The following IQGAP2 variants were observed in gnomAD, a reference collection of about 807,000 sequenced individuals.
The protein encoded by IQGAP2 is IQ motif containing GTPase activating protein 2.
IQGAP2 carries 173 observed loss-of-function variants against 201.3 expected under a neutral mutation model. The observed-to-expected ratio is 0.86, with a 90% CI of 0.76 to 0.98. IQGAP2 has a LOEUF of 0.98. Among genes scored for constraint, IQGAP2 ranks in the 50% least tolerant of loss-of-function variants. The pLI, the probability that IQGAP2 is intolerant of heterozygous loss-of-function variation, is 0.00. For synonymous variants in IQGAP2, 675 were observed against 673.9 expected, an observed-to-expected ratio of 1.00 and a Z score of -0.03; for missense variants, 1,687 against 1,864.8, an observed-to-expected ratio of 0.90 and a Z score of 1.76.
At chr5:76,667,420 CTCT>C (rs1428355788) in intron 22 of IQGAP2, among the ~76,000 whole-genome samples, 1 of 152,186 alleles carries the variant, frequency 6.6e-6, no homozygotes, top group Non-Finnish European at 1.5e-5. Context: ...AAATTTTCTT[CTCT>C]TGTCAGAAAG....
chr5:76,443,463 C>G (rs1409102029), intron 1 of IQGAP2, among the ~76,000 whole-genome samples: 3 of 150,946 alleles, frequency 2.0e-5, no homozygotes, highest in African/African-American at 7.3e-5. Context: ...TCTGAAAACA[C>G]CAAAAGTTTT....
At chr5:76,595,197 T>A (rs550653054) in intron 9 of IQGAP2, among the ~76,000 whole-genome samples, 1 of 151,350 alleles carries the variant, frequency 6.6e-6, no homozygotes, top group African/African-American at 2.4e-5. Flanking sequence ...ATTCATTGCA[T>A]GATATTTTCT....
At chr5:76,534,395 T>C (rs1326993966) in intron 2 of IQGAP2, among the ~76,000 whole-genome samples, 2 of 152,234 alleles carry the variant, frequency 1.3e-5, no homozygotes, top group Non-Finnish European at 2.9e-5. Context: ...CCGGTTTTAC[T>C]ATCAGAACAT....
At chr5:76,480,260 C>CTCTGT (rs1755692761) in intron 2 of IQGAP2, among the ~76,000 whole-genome samples, 1 of 152,114 alleles carries the variant, frequency 6.6e-6, no homozygotes, top group Admixed American at 6.5e-5. Context: ...TTCACATACC[C>CTCTGT]TCTGTTCTGG....
At chr5:76,572,036 C>G (rs1254161389) in intron 4 of IQGAP2, among the ~76,000 whole-genome samples, 1 of 152,134 alleles carries the variant, frequency 6.6e-6, no homozygotes, top group Non-Finnish European at 1.5e-5. Context: ...CAGCCCTGTT[C>G]CCTGGCAACC....
At chr5:76,609,936 T>C (rs1456041401) in intron 12 of IQGAP2, among the ~76,000 whole-genome samples, 1 of 149,702 alleles carries the variant, frequency 6.7e-6, no homozygotes, top group Non-Finnish European at 1.5e-5. Context: ...AATAATAAGG[T>C]ATTGAGAAGT....
intron 1 of IQGAP2, among the ~76,000 whole-genome samples, chr5:76,461,334 C>T (rs1386662606): frequency 6.7e-6 from 1 of 149,960 alleles, no homozygotes; most frequent in Non-Finnish European, 1.5e-5. Context: ...CACCACTGCA[C>T]TCCAGCCTGG....
intron 1 of IQGAP2, among the ~76,000 whole-genome samples, chr5:76,436,843 T>A (rs975619863): frequency 6.6e-6 from 1 of 151,798 alleles, no homozygotes. Context: ...TATGGTTTTG[T>A]ATTTAATTCT....
chr5:76,560,064 C>T (rs888745284), intron 2 of IQGAP2, among the ~76,000 whole-genome samples: 12 of 152,274 alleles, frequency 7.9e-5, no homozygotes, highest in Non-Finnish European at 1.6e-4. Flanking sequence ...GTATGTATAG[C>T]TCACATTTAT....
chr5:76,521,950 TAA>T (rs146699677), intron 2 of IQGAP2, among the ~76,000 whole-genome samples: 12 of 148,778 alleles, frequency 8.1e-5, no homozygotes, highest in South Asian at 2.1e-4. Context: ...AATTGATAAT[TAA>T]AAAAAAAAAT....
At chr5:76,551,582 C>G (rs1347520716) in intron 2 of IQGAP2, among the ~76,000 whole-genome samples, 1 of 152,234 alleles carries the variant, frequency 6.6e-6, no homozygotes, top group African/African-American at 2.4e-5. Context: ...ACTGAGTGAG[C>G]GAGACTCCGT....
intron 30 of IQGAP2, among the ~76,000 whole-genome samples, chr5:76,692,536 T>G (rs568236188): frequency 6.6e-6 from 1 of 152,340 alleles, no homozygotes; most frequent in South Asian, 2.1e-4. Flanking sequence ...ACCCTTTAGC[T>G]TTTATGTTAA....
chr5:76,509,762 G>A (rs996378422), intron 2 of IQGAP2, among the ~76,000 whole-genome samples: 2 of 152,042 alleles, frequency 1.3e-5, no homozygotes, highest in African/African-American at 4.8e-5. Flanking sequence ...ATGGGTCATA[G>A]GACAGAACAT....
intron 2 of IQGAP2, among the ~76,000 whole-genome samples, chr5:76,518,536 T>C (rs1230662349): frequency 6.6e-6 from 1 of 152,046 alleles, no homozygotes; most frequent in Non-Finnish European, 1.5e-5. Flanking sequence ...AAGATTTGGG[T>C]GGGGACACAG....
chr5:76,612,494 C>T (rs996737141), intron 13 of IQGAP2, among the ~76,000 whole-genome samples: 2 of 151,010 alleles, frequency 1.3e-5, no homozygotes. Flanking sequence ...GGCTCTGTCT[C>T]GAAAATAAAT....
At chr5:76,606,447 G>C in intron 12 of IQGAP2, 144 bp downstream of exon 12, 1 of 544,836 alleles carries the variant, frequency 1.8e-6, no homozygotes, top group East Asian at 3.1e-5. Context: ...TTTATTTATA[G>C]GTAGATTTTA....
At chr5:76,419,808 G>A (rs907765817) in intron 1 of IQGAP2, among the ~76,000 whole-genome samples, 14 of 151,988 alleles carry the variant, frequency 9.2e-5, no homozygotes, top group African/African-American at 3.4e-4. Flanking sequence ...CAGACATTGG[G>A]ATGGCTCACC....
At chr5:76,663,159 G>A (rs1398290311) in intron 21 of IQGAP2, among the ~76,000 whole-genome samples, 2 of 152,232 alleles carry the variant, frequency 1.3e-5, no homozygotes, top group Non-Finnish European at 2.9e-5. Flanking sequence ...GGAAATGGGG[G>A]CGGGCCCATG....
intron 20 of IQGAP2, among the ~76,000 whole-genome samples, chr5:76,655,274 T>G (rs2150437018): frequency 4.6e-5 from 1 of 21,966 alleles, no homozygotes; most frequent in Admixed American, 3.4e-4. Context: ...AATGCTGATT[T>G]TTTTTTTTCA....
Sources: gnomAD v4.1 joint callset for allele counts (sites outside exome capture counted in the v4.1 genomes callset) on GRCh38, gnomAD v4.1.1 for gene constraint, MANE v1.5 for transcripts, NCBI Gene and HGNC (gene_info 2026-07-23, HGNC 2026-07-21) for gene names.